The following AP1S3 variants were observed in gnomAD, a reference collection of about 807,000 sequenced individuals.
AP1S3 encodes AP-1 complex subunit sigma-3.
AP1S3 carries 10 observed loss-of-function variants against 20.9 expected under a neutral mutation model. The ratio of observed to expected loss-of-function variants is 0.48; its 90% CI spans 0.29 to 0.81. The LOEUF (loss-of-function observed/expected upper bound fraction) is 0.81, where lower values mean the gene tolerates loss of function less well. Among genes scored for constraint, AP1S3 ranks in the 30% least tolerant of loss-of-function variants. The probability of loss-of-function intolerance (pLI) is 0.08; values close to 1 mark genes in which losing one functional copy is unlikely to be tolerated. For missense variants in AP1S3, 154 were observed against 183.8 expected (o/e 0.84, Z 0.94); for synonymous variants, 41 against 61.5 (o/e 0.67, Z 1.56).
chr2:223,803,829 G>A (rs1452540526), intron 1 of AP1S3, among the ~76,000 whole-genome samples: 2 of 149,982 alleles, frequency 1.3e-5, no homozygotes, highest in Non-Finnish European at 3.0e-5. Flanking sequence ...GCAGTGAGCC[G>A]AGATCGCGCC....
chr2:223,809,577 G>A (rs903340714), intron 1 of AP1S3, among the ~76,000 whole-genome samples: 1 of 151,828 alleles, frequency 6.6e-6, no homozygotes, highest in Non-Finnish European at 1.5e-5. Flanking sequence ...CCGGGAAGTG[G>A]AGGTTGCAGT....
intron 1 of AP1S3, among the ~76,000 whole-genome samples, chr2:223,795,827 T>C (rs759836965): frequency 6.6e-6 from 1 of 152,066 alleles, no homozygotes; most frequent in Non-Finnish European, 1.5e-5. Flanking sequence ...TCAACCTCTA[T>C]AGTGTAGAGT....
At chr2:223,832,135 C>CTCTCTGTGTG (rs1327430961) in intron 1 of AP1S3, among the ~76,000 whole-genome samples, 2 of 70,738 alleles carry the variant, frequency 2.8e-5, no homozygotes, top group African/African-American at 8.4e-5. Flanking sequence ...AGTTTTCTCT[C>CTCTCTGTGTG]TGTGTGTGTG....
At chr2:223,819,649 G>C (rs1448715675) in intron 1 of AP1S3, among the ~76,000 whole-genome samples, 1 of 151,046 alleles carries the variant, frequency 6.6e-6, no homozygotes, top group African/African-American at 2.4e-5. Flanking sequence ...TAATTTCACA[G>C]TTAACCAAAA....
intron 1 of AP1S3, among the ~76,000 whole-genome samples, chr2:223,813,810 G>A (rs778117111): frequency 6.6e-6 from 1 of 152,100 alleles, no homozygotes; most frequent in Non-Finnish European, 1.5e-5. Context: ...ATCCACAAAG[G>A]GTCCCATGCT....
chr2:223,791,265 A>G (rs1691211595), intron 1 of AP1S3, among the ~76,000 whole-genome samples: 1 of 152,208 alleles, frequency 6.6e-6, no homozygotes, highest in Non-Finnish European at 1.5e-5. Flanking sequence ...CTCGATGAAC[A>G]TCGATGCAAA....
intron 1 of AP1S3, among the ~76,000 whole-genome samples, chr2:223,814,589 C>G (rs144157244): frequency 1.4e-3 from 216 of 152,232 alleles, no homozygotes; most frequent in Admixed American, 2.6e-3. Flanking sequence ...ACAAACTTCA[C>G]AAACGAAATT....
intron 1 of AP1S3, among the ~76,000 whole-genome samples, chr2:223,832,581 G>A (rs1255109693): frequency 6.6e-6 from 1 of 152,128 alleles, no homozygotes; most frequent in Non-Finnish European, 1.5e-5. Flanking sequence ...TCTCCGAGGA[G>A]GAAAGCACTC....
At chr2:223,767,428 G>T (rs565212558) in intron 3 of AP1S3, among the ~76,000 whole-genome samples, 2 of 152,078 alleles carry the variant, frequency 1.3e-5, no homozygotes, top group East Asian at 3.9e-4. Flanking sequence ...AGTATTTAAG[G>T]TGTGCCTAGC....
At chr2:223,768,294 C>A (rs924142176) in intron 3 of AP1S3, among the ~76,000 whole-genome samples, 1 of 152,142 alleles carries the variant, frequency 6.6e-6, no homozygotes, top group Admixed American at 6.5e-5. Flanking sequence ...GCTGGCAAAA[C>A]CAAGCTCATT....
In AP1S3 at chr2:223,767,390, C is replaced by T. The variant is rs1018595401; in HGVS notation, c.292-2040G>A. Among the ~76,000 whole-genome samples the T allele has an allele frequency of 3.3e-5, 5 of 152,106 alleles. No individual in the cohort carries two copies. In the South Asian group the frequency reaches 6.2e-4, roughly 19 times the overall value. ...TTCTCAGACTCCTTGGATAATTTAT[C>T]TCCCTCCTACCCTGCATTTGTTTAA... On this transcript the variant is annotated intron_variant, in intron 3 of 4. Transcript: ENST00000396654.
chr2:223,824,107 T>G (rs1182982980), intron 1 of AP1S3, among the ~76,000 whole-genome samples: 1 of 152,094 alleles, frequency 6.6e-6, no homozygotes, highest in Non-Finnish European at 1.5e-5. Flanking sequence ...TCTTCCCACC[T>G]GAGCCTCCTG....
intron 1 of AP1S3, among the ~76,000 whole-genome samples, chr2:223,779,594 T>C (rs1690874885): frequency 6.6e-6 from 1 of 152,190 alleles, no homozygotes; most frequent in African/African-American, 2.4e-5. Flanking sequence ...AGTGCATTGT[T>C]TCAGTTGTGT....
chr2:223,792,561 A>G (rs1423407704), intron 1 of AP1S3, among the ~76,000 whole-genome samples: 1 of 152,210 alleles, frequency 6.6e-6, no homozygotes, highest in Non-Finnish European at 1.5e-5. Context: ...CTTATACCAT[A>G]TAAAAAATCA....
chr2:223,809,691 C>T (rs1028199019), intron 1 of AP1S3, among the ~76,000 whole-genome samples: 1 of 151,740 alleles, frequency 6.6e-6, no homozygotes, highest in African/African-American at 2.4e-5. Context: ...TAAGGCCTAC[C>T]CTGACCACCC....
intron 4 of AP1S3, among the ~76,000 whole-genome samples, chr2:223,762,200 T>A (rs1690371111): frequency 6.6e-6 from 1 of 151,518 alleles, no homozygotes. Flanking sequence ...CTTGAACACC[T>A]GACCTCGTGA....
chr2:223,758,349 T>C lies in AP1S3; in HGVS notation c.*366A>G, dbSNP rs917768724. On this transcript the variant is annotated 3_prime_UTR_variant, in exon 5 of 5. Transcript: ENST00000396654. ...CATATATACTTTACATTCAAAATCATGGATTATTACAATATTGTGTCAAAT... is the reference window on the plus strand; with the variant it reads ...CATATATACTTTACATTCAAAATCACGGATTATTACAATATTGTGTCAAAT... 12 of 1,005,228 alleles carry C rather than the reference T, an allele frequency of 1.2e-5. No homozygotes were observed. The African/African-American group carries it at 2.1e-4, about 17-fold the overall frequency. The allele number at this position is 1,005,228 out of a possible 1,614,324, so 62.3% of individuals were successfully genotyped here. A position where few individuals can be genotyped will look rare whatever the true frequency, so the allele number is the denominator to read the frequency against.
chr2:223,763,839 C>G (rs1023113635), intron 4 of AP1S3, among the ~76,000 whole-genome samples: 1 of 152,188 alleles, frequency 6.6e-6, no homozygotes, highest in Non-Finnish European at 1.5e-5. Context: ...GCTGGGAATT[C>G]ACACCTAATG....
At chr2:223,768,566 A>G (rs1298507446) in intron 3 of AP1S3, among the ~76,000 whole-genome samples, 1 of 152,192 alleles carries the variant, frequency 6.6e-6, no homozygotes, top group Non-Finnish European at 1.5e-5. Context: ...GTTTAAGTAG[A>G]GGCCTTGTCT....
Sources: gnomAD v4.1 joint callset for allele counts (sites outside exome capture counted in the v4.1 genomes callset) on GRCh38, gnomAD v4.1.1 for gene constraint, MANE v1.5 for transcripts, NCBI Gene and HGNC (gene_info 2026-07-23, HGNC 2026-07-21) for gene names.